The following SGCD variants were observed in gnomAD, a reference collection of about 807,000 sequenced individuals.
SGCD encodes the protein sarcoglycan delta, also known as delta-sarcoglycan.
SGCD carries 18 observed loss-of-function variants against 36.6 expected under a neutral mutation model. That is an observed-to-expected ratio of 0.49 (90% confidence interval 0.34 to 0.73). The LOEUF (loss-of-function observed/expected upper bound fraction) is 0.73, where lower values mean the gene tolerates loss of function less well. SGCD is among the 30% of genes least tolerant of loss of function. SGCD has a pLI of 0.01. For synonymous variants in SGCD, 133 were observed against 130.6 expected (o/e 1.02, Z -0.12); for missense variants, 387 against 346.7 (o/e 1.12, Z -0.92).
chr5:156,631,782 G>A (rs1762645853), intron 6 of SGCD, among the ~76,000 whole-genome samples: 1 of 152,038 alleles, frequency 6.6e-6, no homozygotes, highest in African/African-American at 2.4e-5. Context: ...CTATTAAGCA[G>A]GCATTTAAAA....
chr5:156,491,608 A>AT (rs1755942350), intron 3 of SGCD, among the ~76,000 whole-genome samples: 1 of 152,160 alleles, frequency 6.6e-6, no homozygotes, highest in Non-Finnish European at 1.5e-5. Context: ...ATCAATGAAA[A>AT]TTTTTTAAAA....
rs77400948 is a variant in SGCD, at chr5:156,445,326, C to T, written c.193-63275C>T. ...ATAGGTAGCCAGAATTATTGATCTT[C>T]AAATCTTGACCTCCTATCTGCCTGG... On this transcript the variant is annotated intron_variant, in intron 3 of 8. Coordinates refer to ENST00000337851, the MANE Select transcript of SGCD (RefSeq NM_000337.6). Among the ~76,000 whole-genome samples the T allele has an allele frequency of 8.8e-3, 1,340 of 152,184 alleles. 13 individuals are homozygous for T. Among genetic ancestry groups the T allele is most frequent in the African/African-American group, 0.03 (1,230 of 41,530 alleles).
intron 1 of SGCD, among the ~76,000 whole-genome samples, chr5:156,011,535 G>A (rs1038181633): frequency 6.6e-6 from 1 of 151,996 alleles, no homozygotes; most frequent in Admixed American, 6.6e-5. Context: ...CTGCCCCGCG[G>A]GTTCAAGAAG....
the SGCD span, among the ~76,000 whole-genome samples, chr5:155,730,861 C>A: frequency 6.6e-6 from 1 of 152,182 alleles, no homozygotes; most frequent in African/African-American, 2.4e-5. Flanking sequence ...CTAAGGAGCG[C>A]CCTCCTCACC....
intron 4 of SGCD, among the ~76,000 whole-genome samples, chr5:156,576,334 T>C (rs946801013): frequency 3.3e-5 from 5 of 152,206 alleles, no homozygotes; most frequent in African/African-American, 1.2e-4. Context: ...TTGATGGACA[T>C]TTGGGTTGGT....
rs1473099395 is a variant in SGCD, at chr5:156,589,258, A to G, written c.322A>G (p.Arg108Gly). The G allele has an allele frequency of 2.5e-6, 4 of 1,573,518 alleles. No homozygotes were observed. In the South Asian group the frequency reaches 4.7e-5, roughly 18 times the overall value. The part of the protein sequence containing the change: ...PGNALYFKSA[R>G]NVTVNILNDQ... ...TAATGCCCTGTACTTCAAGTCTGCC[A>G]GAAATGTTACAGTGAACATTCTCAA... The change falls in exon 5 of 9, where the codon AGA (arginine) becomes GGA (glycine). Residue 108 changes from arginine (R) to glycine (G), a missense_variant. Transcript: ENST00000337851.
At chr5:156,104,301 G>C (rs1003669694) in intron 1 of SGCD, among the ~76,000 whole-genome samples, 2 of 152,086 alleles carry the variant, frequency 1.3e-5, no homozygotes, top group Non-Finnish European at 2.9e-5. Context: ...GTGCTAATTT[G>C]CATTTGCATA....
chr5:156,565,966 G>A (rs1759464839), intron 4 of SGCD, among the ~76,000 whole-genome samples: 1 of 152,112 alleles, frequency 6.6e-6, no homozygotes, highest in African/African-American at 2.4e-5. Context: ...ATTTGAGTTA[G>A]TTCCAAGTCT....
intron 3 of SGCD, among the ~76,000 whole-genome samples, chr5:156,210,073 G>T (rs567057914): frequency 2.2e-3 from 329 of 152,210 alleles, no homozygotes; most frequent in Middle Eastern, 0.01. Context: ...GCCCTCATGG[G>T]TATAGTCAAT....
intron 3 of SGCD, among the ~76,000 whole-genome samples, chr5:156,410,373 TG>T (rs1251307912): frequency 6.8e-6 from 1 of 147,956 alleles, no homozygotes; most frequent in East Asian, 2.0e-4. Context: ...CAATAGACAC[TG>T]GGGGCTACTG....
At chr5:156,693,541 A>G (rs1421357268) in intron 7 of SGCD, among the ~76,000 whole-genome samples, 1 of 152,168 alleles carries the variant, frequency 6.6e-6, no homozygotes, top group East Asian at 1.9e-4. Flanking sequence ...CTTTAGGAAT[A>G]TTAGGGTGCA....
At chr5:155,856,941 G>T in the SGCD span, among the ~76,000 whole-genome samples, 1 of 152,170 alleles carries the variant, frequency 6.6e-6, no homozygotes, top group Admixed American at 6.5e-5. Flanking sequence ...CATTGTAAAA[G>T]AAGTTAAACA....
chr5:155,829,342 A>C, the SGCD span, among the ~76,000 whole-genome samples: 1 of 152,004 alleles, frequency 6.6e-6, no homozygotes, highest in African/African-American at 2.4e-5. Flanking sequence ...TGTTTTGAAA[A>C]CTCGTGAAGT....
intron 1 of SGCD, among the ~76,000 whole-genome samples, chr5:156,054,486 C>T (rs1214803250): frequency 6.9e-6 from 1 of 145,362 alleles, no homozygotes; most frequent in Non-Finnish European, 1.5e-5. Context: ...GGCGTTTCAC[C>T]GTGTTAGCCA....
the SGCD span, among the ~76,000 whole-genome samples, chr5:155,860,223 C>T: frequency 6.6e-6 from 1 of 152,206 alleles, no homozygotes; most frequent in African/African-American, 2.4e-5. Flanking sequence ...CTCAGAACAT[C>T]ACACAAGATA....
At chr5:156,699,403 A>G (rs1754442948) in intron 7 of SGCD, among the ~76,000 whole-genome samples, 1 of 152,244 alleles carries the variant, frequency 6.6e-6, no homozygotes, top group Non-Finnish European at 1.5e-5. Context: ...AAATTAGTTT[A>G]GAAGGAAAGG....
At chr5:156,338,056 C>T (rs1768450614) in intron 2 of SGCD, among the ~76,000 whole-genome samples, 1 of 152,148 alleles carries the variant, frequency 6.6e-6, no homozygotes, top group Non-Finnish European at 1.5e-5. Flanking sequence ...TTTTTCTCAG[C>T]TCTGCCTTAT....
At chr5:156,094,566 A>G (rs139149778) in intron 1 of SGCD, among the ~76,000 whole-genome samples, 1 of 152,258 alleles carries the variant, frequency 6.6e-6, no homozygotes, top group East Asian at 1.9e-4. Context: ...AGAAGCCAAA[A>G]TTCATTATCA....
rs143716548 is a variant in SGCD at position 155,943,561 on chromosome 5, G to A, written c.-282+73137G>A. 3.7e-3 allele frequency among the ~76,000 whole-genome samples: 564 copies of A among 152,222 alleles called. 4 individuals carry two copies. Among genetic ancestry groups the A allele is most frequent in the African/African-American group, 0.013 (545 of 41,526 alleles). ...ACTAATTTTAAAAATTAAATAATTTGCATAGAAGGGAAACCAATAAACTCC... is the reference window on the plus strand; with the variant it reads ...ACTAATTTTAAAAATTAAATAATTTACATAGAAGGGAAACCAATAAACTCC... On this transcript the variant is annotated intron_variant, in intron 1 of 9. Transcript: ENST00000517913.
Sources: allele counts gnomAD v4.1 joint callset (sites outside exome capture counted in the v4.1 genomes callset), GRCh38; gene constraint gnomAD v4.1.1; transcripts MANE v1.5; gene names NCBI Gene and HGNC (gene_info 2026-07-23, HGNC 2026-07-21).